The following DNAH10 variants were observed in gnomAD, a reference collection of about 807,000 sequenced individuals.
DNAH10 encodes the protein axonemal beta dynein heavy chain 10.
DNAH10 carries 348 observed loss-of-function variants against 506.6 expected under a neutral mutation model. That is an observed-to-expected ratio of 0.69 (90% CI 0.63 to 0.75). The LOEUF is 0.75. Among genes scored for constraint, DNAH10 ranks in the 30% least tolerant of loss-of-function variants. DNAH10 has a pLI of 0.00. For synonymous variants in DNAH10, 2,059 were observed against 2,198.6 expected (o/e 0.94, Z 1.78); for missense variants, 5,179 against 5,787.1 (o/e 0.89, Z 3.41).
Position 123,914,343 on chromosome 12 carries a change from T to G in DNAH10, c.10367T>G (p.Leu3456Arg), listed in dbSNP as rs200972712. 13 of 1,612,814 alleles carry G rather than the reference T, an allele frequency of 8.1e-6. No individual in the cohort carries two copies. Among genetic ancestry groups the G allele is most frequent in the Non-Finnish European group, 1.0e-5 (12 of 1,179,684 alleles). ...TCCCGTGCCAGGTGGCTGAACGACC[T>G]GGATGAGCTGATGCACCGGCGCGTG... ...GSENIRWLND[L>R]DELMHRRVKL... Residue 3456 changes from leucine to arginine, a missense_variant, in exon 61 of 79, where the codon CTG becomes CGG. Physicochemically the swap from Leu to Arg is moderately radical, Grantham distance 102 (BLOSUM62 -2). Coordinates refer to ENST00000673944, the MANE Select transcript of DNAH10 (RefSeq NM_001372106.1).
chr12:123,785,836 C>CA lies in DNAH10; in HGVS notation c.1322dup (p.His441GlnfsTer21), dbSNP rs749191930. ...GCGGATGGTGTGGATCATCTCCCGA[C>CA]ACTACAACAAAGACGAGAGGATGAT... On this transcript the variant is annotated frameshift_variant, in exon 9 of 79. Coordinates refer to ENST00000673944, the MANE Select transcript of DNAH10 (RefSeq NM_001372106.1). LOFTEE classifies it high-confidence loss of function. The surrounding 1 kb of genome is among the most constrained non-coding windows in gnomAD (Gnocchi z 4.1). The CA allele has an allele frequency of 1.9e-6, 3 of 1,614,014 alleles. No individual in the cohort carries two copies. In the African/African-American group the frequency reaches 4.0e-5, roughly 22 times the overall value.
At chr12:123,822,013 C>T (rs981293982) in intron 24 of DNAH10, among the ~76,000 whole-genome samples, 3 of 152,202 alleles carry the variant, frequency 2.0e-5, no homozygotes, top group South Asian at 2.1e-4. Flanking sequence ...CGAGACTAGC[C>T]TGGCCAACAT....
At chr12:123,789,812 C>A in intron 10 of DNAH10, 115 bp from the exon 11 acceptor site, 1 of 958,222 alleles carries the variant, frequency 1.0e-6, no homozygotes, top group Non-Finnish European at 1.6e-6. Context: ...GAGGAGGTTA[C>A]TGTGTGACAT....
At chr12:123,832,534 G>A (rs1354930737) in intron 26 of DNAH10, among the ~76,000 whole-genome samples, 2 of 151,022 alleles carry the variant, frequency 1.3e-5, no homozygotes, top group Non-Finnish European at 2.9e-5. Flanking sequence ...TTTGAGACAG[G>A]GTCTCCCTAT....
chr12:123,928,218 C>A lies in DNAH10; in HGVS notation c.12106-169C>A. ...CACCCACGGGGCCCATGGGGTTTCTCAAAGATGGTTTATTTGAAGGCTCCA... is the reference window on the plus strand; with the variant it reads ...CACCCACGGGGCCCATGGGGTTTCTAAAAGATGGTTTATTTGAAGGCTCCA... On this transcript the variant is annotated intron_variant, in intron 69 of 78. Transcript: ENST00000673944. The surrounding 1 kb of genome is among the most constrained non-coding windows in gnomAD (Gnocchi z 4.9). 1 of 760,310 alleles carries A rather than the reference C, an allele frequency of 1.3e-6. No individual in the cohort carries two copies. The highest frequency in any genetic ancestry group is 1.9e-5 in the South Asian group (1 of 54,010). The allele number at this position is 760,310 out of a possible 1,614,324, so 47.1% of individuals were successfully genotyped here.
rs1442384390 is a variant in DNAH10 at position 123,859,157 on chromosome 12, A to C, written c.6638A>C (p.Lys2213Thr). Residue 2213 changes from lysine (K) to threonine (T), a missense_variant, in exon 38 of 79, where the codon AAA becomes ACA. Lys to Thr is a moderately conservative substitution (Grantham distance 78). Coordinates refer to ENST00000673944, the MANE Select transcript of DNAH10 (RefSeq NM_001372106.1). ...GYAVLPIQVDKVVQMFETMLT... is the reference protein window; with the variant it reads ...GYAVLPIQVDTVVQMFETMLT... ...CCATTGTTTGTCCCGCAGGTGGATAAAGTGGTTCAAATGTTCGAGACCATG... is the reference window on the plus strand; with the variant it reads ...CCATTGTTTGTCCCGCAGGTGGATACAGTGGTTCAAATGTTCGAGACCATG... 1 of 1,609,112 alleles carries C rather than the reference A, an allele frequency of 6.2e-7. No homozygotes were observed. Among genetic ancestry groups the C allele is most frequent in the Non-Finnish European group, 8.5e-7 (1 of 1,178,248 alleles).
intron 40 of DNAH10, 90 bp downstream of exon 40, chr12:123,864,820 A>T (rs1317576022): frequency 6.9e-7 from 1 of 1,443,248 alleles, no homozygotes; most frequent in African/African-American, 1.4e-5. Flanking sequence ...AATGTAGATG[A>T]TTATTTAAAA....
chr12:123,912,750 T>C (rs1954285181), intron 59 of DNAH10, among the ~76,000 whole-genome samples: 1 of 152,208 alleles, frequency 6.6e-6, no homozygotes, highest in Admixed American at 6.5e-5. Context: ...AGCTCGGAAT[T>C]GTATTATTCA....
intron 77 of DNAH10, 165 bp from the exon 78 acceptor site, chr12:123,934,456 G>A (rs1463844801): frequency 2.3e-6 from 2 of 853,862 alleles, no homozygotes; most frequent in African/African-American, 3.3e-5. Context: ...ACAGAGGGAA[G>A]GTGGGCAGGA....
Position 123,935,605 on chromosome 12 carries a change from G to A in DNAH10, c.*124G>A. ...GGGGACTGACACTGATTTTTCATTT[G>A]AAATCAGCCACTTAAATCTCTTTCC... On this transcript the variant is annotated 3_prime_UTR_variant, in exon 79 of 79. Coordinates refer to ENST00000673944, the MANE Select transcript of DNAH10 (RefSeq NM_001372106.1). The A allele has an allele frequency of 9.5e-7, 1 of 1,053,128 alleles. No homozygotes were observed. Among genetic ancestry groups the A allele is most frequent in the Non-Finnish European group, 1.3e-6 (1 of 753,686 alleles). 65.2% of individuals were successfully genotyped at this position (1,053,128 alleles called of 1,614,324 possible).
chr12:123,852,676 G>A (rs980245129), intron 35 of DNAH10, among the ~76,000 whole-genome samples: 10 of 151,766 alleles, frequency 6.6e-5, no homozygotes, highest in African/African-American at 2.2e-4. Flanking sequence ...AGGTTCAAGC[G>A]GATTCTCCTG....
rs775075310 is a variant in DNAH10, at chr12:123,781,103, C to T, written c.645C>T (p.Phe215=). ...AGGTTTTTTTGCCAGCATTGTCCTT[C>T]AATCAGCACAGGACGAGTACAACCG... ...ICQVFLPALS[F]NQHRTSTTVG... The change falls in exon 6 of 79, where the codon TTC becomes TTT. Residue 215 remains phenylalanine, a synonymous_variant. Coordinates refer to ENST00000673944, the MANE Select transcript of DNAH10 (RefSeq NM_001372106.1). 4 of 1,604,046 alleles carry T rather than the reference C, an allele frequency of 2.5e-6. No homozygotes were observed. The highest frequency in any genetic ancestry group is 3.4e-6 in the Non-Finnish European group (4 of 1,177,220).
intron 42 of DNAH10, 82 bp from the exon 43 acceptor site, chr12:123,867,821 T>C: frequency 1.4e-6 from 2 of 1,444,290 alleles, no homozygotes; most frequent in Non-Finnish European, 1.9e-6. Flanking sequence ...CTCTGGGACC[T>C]GGGATCCCAG....
At chr12:123,811,414 C>G (rs1380761556) in intron 19 of DNAH10, among the ~76,000 whole-genome samples, 1 of 152,110 alleles carries the variant, frequency 6.6e-6, no homozygotes, top group Non-Finnish European at 1.5e-5. Context: ...CCTCCACCTC[C>G]CGGGTGTGAG....
rs35553163 is a variant in DNAH10, at chr12:123,921,691, G to GTTTTTTTTT, written c.11507-2040_11507-2032dup. On this transcript the variant is annotated intron_variant, in intron 65 of 78. Transcript: ENST00000673944. Reference sequence around the variant, plus strand: ...CTTGTCCATCTGTCTGTAGCTTGCAGTTTTTTTTTTTTTTTTTTTTTTTTT... The same window carrying GTTTTTTTTT: ...CTTGTCCATCTGTCTGTAGCTTGCAGTTTTTTTTTTTTTTTTTTTTTTTTTTTTTTTTTT... 2.5e-4 allele frequency among the ~76,000 whole-genome samples: 16 copies of GTTTTTTTTT among 62,884 alleles called. 3 individuals carry two copies. Among genetic ancestry groups the GTTTTTTTTT allele is most frequent in the Non-Finnish European group, 3.4e-4 (12 of 35,182 alleles). The allele number at this position is 62,884 out of a possible 152,430, so 41.3% of individuals were successfully genotyped here.
rs746047851 is a variant in DNAH10, at chr12:123,925,156, G to A, written c.11873G>A (p.Arg3958Gln). The change falls in exon 68 of 79, where the codon CGG (arginine) becomes CAG (glutamine). Residue 3958 changes from arginine to glutamine, a missense_variant. This residue lies in a region of DNAH10 where 4,844 missense variants were observed against 5,430.5 expected (regional missense o/e 0.89). Transcript: ENST00000673944. The surrounding 1 kb of genome is among the most constrained non-coding windows in gnomAD (Gnocchi z 4.0). ...LLILRCFRVD[R>Q]VYRAVTDYVT... is the part of the protein sequence containing the mutation. ...ATTTTGCGCTGTTTCCGTGTGGATC[G>A]GGTCTATCGGGCCGTGACTGACTAT... is the stretch of plus-strand genomic sequence containing the variant. 16 of 1,612,708 alleles carry A rather than the reference G, an allele frequency of 9.9e-6. No individual in the cohort carries two copies. In the Middle Eastern group the frequency reaches 6.6e-4, roughly 66 times the overall value.
Position 123,879,708 on chromosome 12 carries a change from A to G in DNAH10, c.8541A>G (p.Ile2847Met). ...DDVEVVMRDP[I>M]LFGDFQMALH... is the part of the protein sequence containing the mutation. Reference sequence around the variant, plus strand: ...TGGAGGTGGTGATGAGGGATCCCATATTGTTTGGAGACTTCCAGATGGCTC... The same window carrying G: ...TGGAGGTGGTGATGAGGGATCCCATGTTGTTTGGAGACTTCCAGATGGCTC... The change falls in exon 50 of 79, where the codon ATA (isoleucine) becomes ATG (methionine). Residue 2847 changes from isoleucine to methionine, a missense_variant. By Grantham distance (10) the Ile-to-Met change is conservative. Transcript: ENST00000673944. The G allele has an allele frequency of 6.2e-7, 1 of 1,613,882 alleles. No homozygotes were observed. The highest frequency in any genetic ancestry group is 2.2e-5 in the East Asian group (1 of 44,868).
chr12:123,898,930 C>A, intron 56 of DNAH10, 116 bp downstream of exon 56: 2 of 1,397,992 alleles, frequency 1.4e-6, no homozygotes, highest in Non-Finnish European at 1.9e-6. Context: ...GCCAGGCCGT[C>A]CCTGTGAAAC....
At chr12:123,838,752 T>C in intron 29 of DNAH10, 63 bp downstream of exon 29, 1 of 1,443,618 alleles carries the variant, frequency 6.9e-7, no homozygotes, top group Admixed American at 1.8e-5. Flanking sequence ...CGGTCCTCCC[T>C]GGTTCCCTTT....
Sources: allele counts gnomAD v4.1 joint callset (sites outside exome capture counted in the v4.1 genomes callset), GRCh38; gene constraint gnomAD v4.1.1; regional missense constraint gnomAD v4.1.1; non-coding constraint Gnocchi (gnomAD v3.1); transcripts MANE v1.5; gene names NCBI Gene and HGNC (gene_info 2026-07-23, HGNC 2026-07-21).